The following ATXN7L1 variants were observed in gnomAD, a reference collection of about 807,000 sequenced individuals.
ATXN7L1 encodes the protein ataxin 7 like 1.
In ATXN7L1, 15 loss-of-function variants were observed where a neutral mutation model predicts 70.8. That is an observed-to-expected ratio of 0.21 (90% CI 0.14 to 0.33). The LOEUF is 0.33. ATXN7L1 is among the 10% of genes least tolerant of loss of function. The pLI is 1.00. For synonymous variants in ATXN7L1, 440 were observed against 445.1 expected (o/e 0.99, Z 0.14); for missense variants, 975 against 1,097.1 (o/e 0.89, Z 1.57).
At chr7:105,668,942 T>A (rs1196498388) in intron 3 of ATXN7L1, among the ~76,000 whole-genome samples, 2 of 151,994 alleles carry the variant, frequency 1.3e-5, no homozygotes, top group Non-Finnish European at 2.9e-5. Context: ...AGAGACAAAG[T>A]CTCTCTATGT....
At chr7:105,772,136 C>T (rs770671483) in intron 3 of ATXN7L1, among the ~76,000 whole-genome samples, 6 of 138,764 alleles carry the variant, frequency 4.3e-5, no homozygotes, top group Admixed American at 8.0e-5. Context: ...TGCAGTGGCA[C>T]GATCTCGGCT....
chr7:105,760,006 C>T (rs778785926), intron 3 of ATXN7L1, among the ~76,000 whole-genome samples: 10 of 152,104 alleles, frequency 6.6e-5, no homozygotes, highest in Non-Finnish European at 1.2e-4. Flanking sequence ...ATGATTTTCC[C>T]CCCTCATTCT....
At chr7:105,671,950 A>G (rs981058925) in intron 3 of ATXN7L1, among the ~76,000 whole-genome samples, 2 of 150,896 alleles carry the variant, frequency 1.3e-5, no homozygotes, top group Non-Finnish European at 1.5e-5. Flanking sequence ...GCACTCTTCT[A>G]AACACTTTGA....
At chr7:105,865,016 G>A (rs887699680) in intron 2 of ATXN7L1, among the ~76,000 whole-genome samples, 6 of 152,270 alleles carry the variant, frequency 3.9e-5, no homozygotes, top group Middle Eastern at 3.4e-3. Flanking sequence ...TAAAGAACTG[G>A]AGACATACAA....
intron 3 of ATXN7L1, among the ~76,000 whole-genome samples, chr7:105,738,849 T>C (rs1797700999): frequency 6.6e-6 from 1 of 152,222 alleles, no homozygotes; most frequent in Non-Finnish European, 1.5e-5. Context: ...GCCATAACTA[T>C]TTGCTGGATG....
chr7:105,859,208 T>G (rs1180699932), intron 2 of ATXN7L1, among the ~76,000 whole-genome samples: 1 of 152,170 alleles, frequency 6.6e-6, no homozygotes, highest in Non-Finnish European at 1.5e-5. Flanking sequence ...AGGGGTGTCA[T>G]GCTGTCTGTG....
At chr7:105,826,402 C>CA (rs1810876322) in intron 2 of ATXN7L1, among the ~76,000 whole-genome samples, 1 of 152,124 alleles carries the variant, frequency 6.6e-6, no homozygotes, top group Admixed American at 6.5e-5. Context: ...TCTATGACTG[C>CA]ATGGTTCTAA....
intron 3 of ATXN7L1, among the ~76,000 whole-genome samples, chr7:105,763,969 C>G (rs540325810): frequency 6.6e-6 from 1 of 152,000 alleles, no homozygotes; most frequent in Admixed American, 6.6e-5. Flanking sequence ...TTCTCCTGCC[C>G]TAGCCTCCCA....
intron 4 of ATXN7L1, among the ~76,000 whole-genome samples, chr7:105,646,654 G>A (rs1350185558): frequency 6.6e-6 from 1 of 151,456 alleles, no homozygotes; most frequent in Non-Finnish European, 1.5e-5. Flanking sequence ...GTGACCTCAG[G>A]TGATCTGCCT....
intron 4 of ATXN7L1, among the ~76,000 whole-genome samples, chr7:105,663,121 G>A (rs1393894120): frequency 6.6e-6 from 1 of 152,194 alleles, no homozygotes; most frequent in Non-Finnish European, 1.5e-5. Context: ...TAAACTCTCA[G>A]GCACATTCTC....
intron 3 of ATXN7L1, among the ~76,000 whole-genome samples, chr7:105,675,884 CTTTT>C (rs371890415): frequency 1.4e-5 from 2 of 142,886 alleles, no homozygotes; most frequent in African/African-American, 2.6e-5. Context: ...TTCATTCACT[CTTTT>C]TTTTTTTTTT....
intron 4 of ATXN7L1, among the ~76,000 whole-genome samples, chr7:105,649,164 G>A (rs1252103881): frequency 6.6e-6 from 1 of 152,224 alleles, no homozygotes; most frequent in Non-Finnish European, 1.5e-5. Flanking sequence ...TTGTGGAGCA[G>A]TGTTTGAAAG....
At chr7:105,833,617 C>A (rs1811956811) in intron 2 of ATXN7L1, among the ~76,000 whole-genome samples, 1 of 152,238 alleles carries the variant, frequency 6.6e-6, no homozygotes, top group Non-Finnish European at 1.5e-5. Flanking sequence ...ATGAGAGTAT[C>A]CATTTGTCAA....
At chr7:105,846,358 TA>T (rs1285158976) in intron 2 of ATXN7L1, among the ~76,000 whole-genome samples, 36 of 152,122 alleles carry the variant, frequency 2.4e-4, no homozygotes, top group African/African-American at 8.4e-4. Context: ...TCAAGCACAT[TA>T]AAAGATGGTC....
At chr7:105,719,911 T>C (rs1442391425) in intron 3 of ATXN7L1, among the ~76,000 whole-genome samples, 1 of 152,214 alleles carries the variant, frequency 6.6e-6, no homozygotes, top group Non-Finnish European at 1.5e-5. Context: ...AAAGTTGCAA[T>C]GCCAGGGCCT....
Position 105,875,017 on chromosome 7 carries a change from T to A in ATXN7L1, c.250+795A>T, listed in dbSNP as rs1300062070. 3.9e-5 allele frequency: 6 copies of A among 152,594 alleles called. No individual in the cohort carries two copies. The East Asian group carries it at 7.7e-4, about 20-fold the overall frequency. 9.5% of individuals were successfully genotyped at this position (152,594 alleles called of 1,614,324 possible). A position where few individuals can be genotyped will look rare whatever the true frequency, so the allele number is the denominator to read the frequency against. The stretch of plus-strand genomic sequence containing the variant: ...TCACAATTCAAATGAATCCACCTAT[T>A]TGCTTAGCAGCAAGTGGCCCCCGGA... On this transcript the variant is annotated intron_variant, in intron 2 of 11. Transcript: ENST00000419735.
intron 2 of ATXN7L1, among the ~76,000 whole-genome samples, chr7:105,854,289 G>A (rs1042391456): frequency 6.6e-6 from 1 of 152,074 alleles, no homozygotes; most frequent in Non-Finnish European, 1.5e-5. Flanking sequence ...AAATGCAACT[G>A]GTGGGACCAC....
intron 2 of ATXN7L1, among the ~76,000 whole-genome samples, chr7:105,861,511 G>A (rs1316014860): frequency 2.0e-5 from 3 of 151,690 alleles, no homozygotes; most frequent in Non-Finnish European, 2.9e-5. Context: ...ATAGTGATGG[G>A]GAAAACGCAC....
At chr7:105,734,561 C>A (rs772006263) in intron 3 of ATXN7L1, among the ~76,000 whole-genome samples, 2 of 152,066 alleles carry the variant, frequency 1.3e-5, no homozygotes, top group African/African-American at 4.8e-5. Flanking sequence ...CAGCTCTTCC[C>A]GCCCTCCTTG....
Sources: allele counts gnomAD v4.1 joint callset (sites outside exome capture counted in the v4.1 genomes callset), GRCh38; gene constraint gnomAD v4.1.1; transcripts MANE v1.5; gene names NCBI Gene and HGNC (gene_info 2026-07-23, HGNC 2026-07-21).